The following ASIC4 variants were observed in gnomAD, a reference collection of about 807,000 sequenced individuals.
The protein encoded by ASIC4 is acid-sensing ion channel 4.
ASIC4 carries 28 observed loss-of-function variants against 53.4 expected under a neutral mutation model. The observed-to-expected ratio is 0.52, with a 90% CI of 0.39 to 0.72. The LOEUF is 0.72. ASIC4 is among the 30% of genes least tolerant of loss of function. The pLI is 0.00. For synonymous variants in ASIC4, 289 were observed against 301.4 expected (o/e 0.96, Z 0.43); for missense variants, 649 against 729.7 (o/e 0.89, Z 1.27).
At position 219,537,205 on chromosome 2, in the gene ASIC4, C is replaced by G. The variant is rs998466988; in HGVS notation, c.1322-37C>G. 6.0e-5 allele frequency: 96 copies of G among 1,611,412 alleles called. No individual in the cohort carries two copies. Among genetic ancestry groups the G allele is most frequent in the South Asian group, 4.2e-4 (38 of 90,946 alleles). ...CAGCTTGTGTGGGGGTGGATCGGCC[C>G]GGCCGCTCCCTCTGACACTGCTCTC... On this transcript the variant is annotated intron_variant, in intron 7 of 9. Transcript: ENST00000358078. This position sits in a 1 kb window ranked among gnomAD's most constrained non-coding sequence, Gnocchi z 4.9.
chr2:219,515,521 G>A (rs1694772530), intron 1 of ASIC4, among the ~76,000 whole-genome samples: 1 of 152,268 alleles, frequency 6.6e-6, no homozygotes, highest in Admixed American at 6.5e-5. Context: ...TGGGGCGCCT[G>A]CTGCTCCTCT....
chr2:219,518,903 C>T lies in ASIC4; in HGVS notation c.582+3597C>T, dbSNP rs530069037. Among the ~76,000 whole-genome samples the T allele has an allele frequency of 6.6e-6, 1 of 152,102 alleles. No individual in the cohort carries two copies. The highest frequency in any genetic ancestry group is 6.5e-5 in the Admixed American group (1 of 15,272). ...TTCTGTGAGCATCGGTTTGTGTATT[C>T]TTTTTTTTGTTTGTTTTTTTGAGAC... On this transcript the variant is annotated intron_variant, in intron 1 of 9. Transcript: ENST00000358078. The surrounding 1 kb of genome is among the most constrained non-coding windows in gnomAD (Gnocchi z 4.8).
chr2:219,521,092 G>A (rs1029852982), intron 1 of ASIC4, among the ~76,000 whole-genome samples: 1 of 152,238 alleles, frequency 6.6e-6, no homozygotes, highest in Non-Finnish European at 1.5e-5. Flanking sequence ...CCCTCCTGGA[G>A]GGGTGCTGTC....
the ASIC4 span, among the ~76,000 whole-genome samples, chr2:219,507,309 A>G: frequency 1.2e-4 from 18 of 152,224 alleles, no homozygotes; most frequent in African/African-American, 4.1e-4. Flanking sequence ...TTGGTTGGGC[A>G]GCAGGCAGAG....
upstream of ASIC4, among the ~76,000 whole-genome samples, chr2:219,511,424 C>T (rs1323369309): frequency 3.3e-5 from 5 of 150,696 alleles, no homozygotes; most frequent in African/African-American, 4.9e-5. The surrounding 1 kb of genome is among the most constrained non-coding windows in gnomAD (Gnocchi z 5.3). Flanking sequence ...TGTTACCAAA[C>T]CTCGTCCCAG....
chr2:219,507,205 C>T, the ASIC4 span, among the ~76,000 whole-genome samples: 5 of 152,232 alleles, frequency 3.3e-5, no homozygotes, highest in Non-Finnish European at 5.9e-5. Flanking sequence ...CTGGTCCCCC[C>T]CTTCACCCCT....
At chr2:219,521,073 C>T (rs902818762) in intron 1 of ASIC4, among the ~76,000 whole-genome samples, 12 of 152,222 alleles carry the variant, frequency 7.9e-5, no homozygotes, top group Admixed American at 6.5e-5. Context: ...ACACCAGCTG[C>T]GGCTCAGACC....
upstream of ASIC4, among the ~76,000 whole-genome samples, chr2:219,510,235 C>G (rs1464395807): frequency 6.6e-6 from 1 of 151,828 alleles, no homozygotes; most frequent in Middle Eastern, 3.2e-3. The surrounding 1 kb of genome is among the most constrained non-coding windows in gnomAD (Gnocchi z 5.2). Context: ...ACATGCCCCT[C>G]GGAGCTCTAA....
chr2:219,509,799 A>C (rs1400352208), upstream of ASIC4, among the ~76,000 whole-genome samples: 1 of 151,524 alleles, frequency 6.6e-6, no homozygotes, highest in African/African-American at 2.4e-5. This position sits in a 1 kb window ranked among gnomAD's most constrained non-coding sequence, Gnocchi z 5.2. Context: ...TGGGCACTAC[A>C]AGGTCTCGGT....
chr2:219,527,447 G>T (rs2125663458), intron 1 of ASIC4, among the ~76,000 whole-genome samples: 1 of 152,356 alleles, frequency 6.6e-6, no homozygotes, highest in South Asian at 2.1e-4. Context: ...GTTCTGCCCT[G>T]TGTAGGGTGG....
chr2:219,538,277 T>C lies in ASIC4; in HGVS notation c.*231T>C, dbSNP rs1166194918. On this transcript the variant is annotated 3_prime_UTR_variant, in exon 10 of 10. Transcript: ENST00000358078. ...CCCGGGAGGGCTGGAGACCAGGCCA[T>C]GGGCCCTCACGGAGAGGAAGGGAAG... 3.7e-6 allele frequency: 2 copies of C among 544,762 alleles called. No individual in the cohort carries two copies. Among genetic ancestry groups the C allele is most frequent in the South Asian group, 2.1e-5 (1 of 46,550 alleles). The allele number at this position is 544,762 out of a possible 1,614,324, so 33.7% of individuals were successfully genotyped here.
Position 219,537,818 on chromosome 2 carries a change from G to A in ASIC4, c.1506+82G>A, listed in dbSNP as rs1695169854. 2.0e-6 allele frequency: 3 copies of A among 1,521,176 alleles called. No homozygotes were observed. Among genetic ancestry groups the A allele is most frequent in the South Asian group, 2.4e-5 (2 of 84,640 alleles). The allele number at this position is 1,521,176 out of a possible 1,614,324, so 94.2% of individuals were successfully genotyped here. A position where few individuals can be genotyped will look rare whatever the true frequency, so the allele number is the denominator to read the frequency against. ...ACATCCATTGTTTCTGAACCAGCCT[G>A]TGGAGGGGGCCCTGGAGCCTCTGCC... is the stretch of plus-strand genomic sequence containing the variant. On this transcript the variant is annotated intron_variant, in intron 9 of 9. Transcript: ENST00000358078. This position sits in a 1 kb window ranked among gnomAD's most constrained non-coding sequence, Gnocchi z 4.9.
rs1160638857 is a variant in ASIC4 at position 219,518,339 on chromosome 2, G to A, written c.582+3033G>A. On this transcript the variant is annotated intron_variant, in intron 1 of 9. Coordinates refer to ENST00000358078, the MANE Select transcript of ASIC4 (RefSeq NM_018674.6). The surrounding 1 kb of genome is among the most constrained non-coding windows in gnomAD (Gnocchi z 4.8). ...CGAGGTGCATGGGTAGTAAGAGGTC[G>A]AGTTCAGAGAAGGAGAGGCCATTCT... 6.6e-6 allele frequency among the ~76,000 whole-genome samples: 1 copy of A among 152,160 alleles called. No individual in the cohort carries two copies. Among genetic ancestry groups the A allele is most frequent in the Admixed American group, 6.5e-5 (1 of 15,272 alleles).
chr2:219,533,030 A>G (rs542912698), intron 5 of ASIC4, 91 bp downstream of exon 5: 4 of 1,367,488 alleles, frequency 2.9e-6, no homozygotes, highest in Non-Finnish European at 4.2e-6. Flanking sequence ...CTCCCCTCCC[A>G]ATCTCTTCCT....
chr2:219,514,344 A>G (rs1382538395), upstream of ASIC4: 12 of 1,545,140 alleles, frequency 7.8e-6, no homozygotes, highest in East Asian at 2.6e-4. Context: ...TCCGGAGCAC[A>G]TGCTGAGCGG....
At chr2:219,522,160 A>G (rs1694895092) in intron 1 of ASIC4, among the ~76,000 whole-genome samples, 1 of 152,182 alleles carries the variant, frequency 6.6e-6, no homozygotes, top group Non-Finnish European at 1.5e-5. Context: ...GCAGTTCCAG[A>G]GAGATAGGCA....
chr2:219,515,199 G>A lies in ASIC4; in HGVS notation c.475G>A (p.Glu159Lys), dbSNP rs1177764814. 2 of 1,614,196 alleles carry A rather than the reference G, an allele frequency of 1.2e-6. No homozygotes were observed. Among genetic ancestry groups the A allele is most frequent in the Admixed American group, 3.3e-5 (2 of 60,032 alleles). ...GHRAAGLRYPEPDMVDILNRT... is the reference protein window; with the variant it reads ...GHRAAGLRYPKPDMVDILNRT... ...CCGTGCGGCTGGCCTGCGCTACCCAGAGCCTGACATGGTAGACATCCTCAA... is the reference window on the plus strand; with the variant it reads ...CCGTGCGGCTGGCCTGCGCTACCCAAAGCCTGACATGGTAGACATCCTCAA... Residue 159 changes from glutamate (E) to lysine (K), a missense_variant, in exon 1 of 10, where the codon GAG becomes AAG. Glu to Lys is a moderately conservative substitution (Grantham distance 56). Transcript: ENST00000358078.
In ASIC4 at chr2:219,520,629, G is replaced by C. The variant is rs528181952; in HGVS notation, c.582+5323G>C. Among the ~76,000 whole-genome samples, 8 of 152,326 alleles carry C rather than the reference G, an allele frequency of 5.3e-5. 1 individual carries two copies. The East Asian group carries it at 1.5e-3, about 29-fold the overall frequency. ...TGGAAGGGAGAGGGTGCCCACTGAGGTGGGTTCAAGCCTCTTATCTACCGC... is the reference window on the plus strand; with the variant it reads ...TGGAAGGGAGAGGGTGCCCACTGAGCTGGGTTCAAGCCTCTTATCTACCGC... On this transcript the variant is annotated intron_variant, in intron 1 of 9. Transcript: ENST00000358078.
chr2:219,528,367 G>A (rs545498355), intron 1 of ASIC4, among the ~76,000 whole-genome samples: 40 of 151,952 alleles, frequency 2.6e-4, no homozygotes, highest in Non-Finnish European at 4.4e-4. Flanking sequence ...GGAACTACAG[G>A]AGCCCGCCAC....
Sources: gnomAD v4.1 joint callset for allele counts (sites outside exome capture counted in the v4.1 genomes callset) on GRCh38, gnomAD v4.1.1 for gene constraint, Gnocchi (gnomAD v3.1) non-coding constraint, MANE v1.5 for transcripts, NCBI Gene and HGNC (gene_info 2026-07-23, HGNC 2026-07-21) for gene names.